The following CRISP3 variants were observed in gnomAD, a reference collection of about 807,000 sequenced individuals.
CRISP3 encodes the protein cysteine-rich secretory protein 3.
Under a neutral mutation model 36.1 loss-of-function variants are expected in CRISP3, and 33 were observed. The ratio of observed to expected loss-of-function variants is 0.91; its 90% CI spans 0.69 to 1.22. CRISP3 has a LOEUF of 1.22. CRISP3 is among the 50% of genes most tolerant of loss of function. The pLI is 0.00. For synonymous variants in CRISP3, 117 were observed against 104.6 expected (o/e 1.12, Z -0.72); for missense variants, 330 against 301.2 (o/e 1.10, Z -0.71).
intron 1 of CRISP3, among the ~76,000 whole-genome samples, chr6:49,741,542 A>G (rs1210002969): frequency 5.3e-5 from 8 of 151,760 alleles, no homozygotes; most frequent in Admixed American, 5.3e-4. Context: ...GGTAAAATTC[A>G]TCACATTAAC....
chr6:49,731,067 G>A lies in CRISP3; in HGVS notation c.649+96C>T, dbSNP rs374724887. On this transcript the variant is annotated intron_variant, in intron 7 of 7. Transcript: ENST00000263045. ...TTTTCCTTTTTGTCCTTTGCATGAAGGCATTGCTTAAGTTGGTTGTCTTCA... is the reference window on the plus strand; with the variant it reads ...TTTTCCTTTTTGTCCTTTGCATGAAAGCATTGCTTAAGTTGGTTGTCTTCA... 6.5e-5 allele frequency: 54 copies of A among 827,988 alleles called. No homozygotes were observed. The South Asian group carries it at 9.9e-4, about 15-fold the overall frequency. 51.3% of individuals were successfully genotyped at this position (827,988 alleles called of 1,614,324 possible).
At chr6:49,737,892 C>T (rs1227578239) in intron 1 of CRISP3, among the ~76,000 whole-genome samples, 1 of 152,190 alleles carries the variant, frequency 6.6e-6, no homozygotes, top group Non-Finnish European at 1.5e-5. Flanking sequence ...TCTTTTCCGT[C>T]AGGGATCTGG....
At chr6:49,742,863 T>C (rs1317731112) in intron 1 of CRISP3, among the ~76,000 whole-genome samples, 2 of 152,054 alleles carry the variant, frequency 1.3e-5, no homozygotes, top group African/African-American at 4.8e-5. Flanking sequence ...ACTATAGAAA[T>C]ATTTTAAAGG....
At chr6:49,739,917 A>G (rs1769155746) in intron 1 of CRISP3, among the ~76,000 whole-genome samples, 1 of 152,190 alleles carries the variant, frequency 6.6e-6, no homozygotes, top group Non-Finnish European at 1.5e-5. Flanking sequence ...TGTGTAAGTC[A>G]CTGAGTCCTA....
At chr6:49,741,083 G>A (rs1024329324) in intron 1 of CRISP3, among the ~76,000 whole-genome samples, 2 of 141,006 alleles carry the variant, frequency 1.4e-5, no homozygotes, top group African/African-American at 5.3e-5. Flanking sequence ...GACAGAGCGA[G>A]ACTCCGTCTC....
chr6:49,728,651 T>A lies in CRISP3; in HGVS notation c.*79A>T. The A allele has an allele frequency of 2.7e-5, 34 of 1,269,452 alleles. No homozygotes were observed. Among genetic ancestry groups the A allele is most frequent in the Non-Finnish European group, 3.3e-5 (32 of 956,816 alleles). The allele number at this position is 1,269,452 out of a possible 1,614,324, so 78.6% of individuals were successfully genotyped here. A position where few individuals can be genotyped will look rare whatever the true frequency, so the allele number is the denominator to read the frequency against. ...CCTACAATTTCTCAGCTAGTATATG[T>A]TAAATCTAAGTAGATGCCAAATCTA... On this transcript the variant is annotated 3_prime_UTR_variant, in exon 8 of 8. Coordinates refer to ENST00000263045, the MANE Select transcript of CRISP3 (RefSeq NM_006061.4).
At chr6:49,737,784 C>T (rs1298061690) in intron 1 of CRISP3, among the ~76,000 whole-genome samples, 1 of 152,184 alleles carries the variant, frequency 6.6e-6, no homozygotes. Context: ...TGGGATACTA[C>T]TGCATTAGCC....
Position 49,733,299 on chromosome 6 carries a change from AC to A in CRISP3, c.463-8del. ...ATGAAGAGTACCAAACAACCTATAA[AC>A]CAATAAGTGAAGATATGAGAGCACA... On this transcript the variant is annotated splice_region_variant and splice_polypyrimidine_tract_variant and intron_variant, in intron 5 of 7. Transcript: ENST00000263045. 6.4e-7 allele frequency: 1 copy of A among 1,570,112 alleles called. No homozygotes were observed. The highest frequency in any genetic ancestry group is 1.4e-5 in the African/African-American group (1 of 73,516).
At chr6:49,738,248 C>T (rs946239919) in intron 1 of CRISP3, among the ~76,000 whole-genome samples, 2 of 152,146 alleles carry the variant, frequency 1.3e-5, no homozygotes, top group African/African-American at 4.8e-5. Flanking sequence ...ATAAAATTTT[C>T]ATCATGTTAT....
intron 6 of CRISP3, among the ~76,000 whole-genome samples, chr6:49,732,986 G>A (rs1768952283): frequency 6.6e-6 from 1 of 152,182 alleles, no homozygotes; most frequent in South Asian, 2.1e-4. Context: ...TAGGCATGAG[G>A]AAAGACAGCT....
intron 4 of CRISP3, among the ~76,000 whole-genome samples, chr6:49,734,902 T>C (rs1200993310): frequency 6.6e-6 from 1 of 152,270 alleles, no homozygotes; most frequent in East Asian, 1.9e-4. Context: ...GTCTTGCAGG[T>C]CATTTTTTTA....
intron 7 of CRISP3, 118 bp downstream of exon 7, chr6:49,731,045 T>C (rs1489393295): frequency 8.9e-6 from 6 of 670,802 alleles, no homozygotes; most frequent in Non-Finnish European, 1.5e-5. Flanking sequence ...GACTTTTTTT[T>C]CCTTTTTGTC....
chr6:49,734,675 A>G (rs1206742873), intron 4 of CRISP3, among the ~76,000 whole-genome samples: 6 of 152,138 alleles, frequency 3.9e-5, no homozygotes, highest in African/African-American at 1.4e-4. Flanking sequence ...TCTCGTGACC[A>G]TAGTTACCCC....
chr6:49,728,767 C>CAACT lies in CRISP3; in HGVS notation c.736_739dup (p.Cys247Ter). ...GTTTGAACAATTGCAGGAGGCCTTG[C>CAACT]AACTGTCCCTGACCAACTGATGTTT... is the stretch of plus-strand genomic sequence containing the variant. On this transcript the variant is annotated stop_gained and frameshift_variant, in exon 8 of 8. Coordinates refer to ENST00000263045, the MANE Select transcript of CRISP3 (RefSeq NM_006061.4). LOFTEE classifies it high-confidence loss of function. 6.2e-7 allele frequency: 1 copy of CAACT among 1,611,962 alleles called. No individual in the cohort carries two copies. The highest frequency in any genetic ancestry group is 1.1e-5 in the South Asian group (1 of 90,540).
At chr6:49,741,786 TG>T (rs1769210905) in intron 1 of CRISP3, among the ~76,000 whole-genome samples, 1 of 148,090 alleles carries the variant, frequency 6.8e-6, no homozygotes, top group African/African-American at 2.5e-5. Flanking sequence ...AACACAGTAC[TG>T]GAGAGATCCT....
intron 2 of CRISP3, 115 bp from the exon 3 acceptor site, chr6:49,736,622 G>A (rs1769059317): frequency 1.3e-6 from 1 of 788,818 alleles, no homozygotes; most frequent in Non-Finnish European, 2.2e-6. Flanking sequence ...GCCAATGCTA[G>A]GTAAACATTG....
Position 49,728,643 on chromosome 6 carries a change from A to G in CRISP3, c.*87T>C, listed in dbSNP as rs577024447. On this transcript the variant is annotated 3_prime_UTR_variant, in exon 8 of 8. Transcript: ENST00000263045. ...CAAACATGCCTACAATTTCTCAGCT[A>G]GTATATGTTAAATCTAAGTAGATGC... 31 of 1,100,536 alleles carry G rather than the reference A, an allele frequency of 2.8e-5. No homozygotes were observed. In the Middle Eastern group the frequency reaches 1.1e-3, roughly 38 times the overall value. 68.2% of individuals were successfully genotyped at this position (1,100,536 alleles called of 1,614,324 possible).
At chr6:49,743,496 A>G (rs540531469) in intron 1 of CRISP3, among the ~76,000 whole-genome samples, 76 of 152,290 alleles carry the variant, frequency 5.0e-4, no homozygotes, top group African/African-American at 1.8e-3. Flanking sequence ...GCTATTGCAA[A>G]TACTCCCAGA....
chr6:49,738,726 C>G (rs1417537008), intron 1 of CRISP3, among the ~76,000 whole-genome samples: 1 of 152,098 alleles, frequency 6.6e-6, no homozygotes, highest in East Asian at 1.9e-4. Context: ...CACCCCACCA[C>G]CCCGCCCACT....
Sources: gnomAD v4.1 joint callset for allele counts (sites outside exome capture counted in the v4.1 genomes callset) on GRCh38, gnomAD v4.1.1 for gene constraint, MANE v1.5 for transcripts, NCBI Gene and HGNC (gene_info 2026-07-23, HGNC 2026-07-21) for gene names.